Variants in SPMAP2L observed in about 807,000 individuals in gnomAD.
The protein encoded by SPMAP2L is sperm microtubule associated protein 2 like.
the SPMAP2L span, among the ~76,000 whole-genome samples, chr4:56,580,750 C>T: frequency 6.6e-6 from 1 of 152,020 alleles, no homozygotes; most frequent in African/African-American, 2.4e-5. Context: ...AAGGAATCTA[C>T]ATAAAGACTA....
chr4:56,589,212 C>T, the SPMAP2L span, among the ~76,000 whole-genome samples: 1 of 152,124 alleles, frequency 6.6e-6, no homozygotes, highest in Non-Finnish European at 1.5e-5. Flanking sequence ...TGGTCTCGAA[C>T]TCCTGACCTC....
At chr4:56,547,323 G>A in the SPMAP2L span, among the ~76,000 whole-genome samples, 1 of 148,828 alleles carries the variant, frequency 6.7e-6, no homozygotes, top group African/African-American at 2.5e-5. Flanking sequence ...TTGGCTCACT[G>A]CAACCTCCGC....
At chr4:56,593,122 A>C in the SPMAP2L span, 2 of 1,579,736 alleles carry the variant, frequency 1.3e-6, no homozygotes, top group Non-Finnish European at 1.7e-6. Flanking sequence ...TGGAGAACTC[A>C]GGATGGATCA....
the SPMAP2L span, among the ~76,000 whole-genome samples, chr4:56,616,953 A>T: frequency 6.6e-6 from 1 of 152,212 alleles, no homozygotes; most frequent in Non-Finnish European, 1.5e-5. Context: ...GGTATACAAT[A>T]TATTATTGCT....
the SPMAP2L span, among the ~76,000 whole-genome samples, chr4:56,589,173 G>A: frequency 6.6e-6 from 1 of 151,640 alleles, no homozygotes; most frequent in South Asian, 2.1e-4. Flanking sequence ...ATTTTTAGTC[G>A]AGGCAGAGTT....
the SPMAP2L span, among the ~76,000 whole-genome samples, chr4:56,576,439 T>C: frequency 1.3e-5 from 2 of 152,262 alleles, no homozygotes; most frequent in East Asian, 3.9e-4. Flanking sequence ...AGTAGAACAT[T>C]GACAGGGCAG....
the SPMAP2L span, among the ~76,000 whole-genome samples, chr4:56,572,194 T>TA: frequency 1.3e-5 from 2 of 152,170 alleles, no homozygotes; most frequent in African/African-American, 2.4e-5. Flanking sequence ...ACAGGGAAGT[T>TA]AAAAAAAGTA....
chr4:56,551,947 C>G, the SPMAP2L span, among the ~76,000 whole-genome samples: 1 of 152,142 alleles, frequency 6.6e-6, no homozygotes, highest in Non-Finnish European at 1.5e-5. Context: ...ACCCAGTACT[C>G]TTGCTGAAAT....
the SPMAP2L span, among the ~76,000 whole-genome samples, chr4:56,625,260 C>T: frequency 3.9e-5 from 6 of 152,244 alleles, no homozygotes; most frequent in South Asian, 1.2e-3. Flanking sequence ...CCCATTGTAT[C>T]TAGGAAGTAA....
At chr4:56,583,686 A>G in the SPMAP2L span, among the ~76,000 whole-genome samples, 7 of 152,218 alleles carry the variant, frequency 4.6e-5, no homozygotes, top group African/African-American at 1.4e-4. Context: ...AAATCATACT[A>G]CAGAGGAGAC....
chr4:56,601,149 G>A, the SPMAP2L span: 1 of 1,498,192 alleles, frequency 6.7e-7, no homozygotes. Flanking sequence ...GGAAAGGCTG[G>A]GGTTCTGGGG....
At chr4:56,619,061 T>C in the SPMAP2L span, among the ~76,000 whole-genome samples, 1 of 152,200 alleles carries the variant, frequency 6.6e-6, no homozygotes, top group African/African-American at 2.4e-5. Flanking sequence ...TGACTCCTTT[T>C]CCCTAATTAG....
At chr4:56,592,769 A>G in the SPMAP2L span, among the ~76,000 whole-genome samples, 7 of 152,014 alleles carry the variant, frequency 4.6e-5, no homozygotes, top group African/African-American at 1.7e-4. Context: ...CCGGGACAGC[A>G]GCAGTGCCGG....
At chr4:56,594,740 A>G in the SPMAP2L span, 1 of 1,477,924 alleles carries the variant, frequency 6.8e-7, no homozygotes, top group South Asian at 1.1e-5. Context: ...CCTAGCAGCC[A>G]TCATGATTAC....
chr4:56,534,417 C>T, the SPMAP2L span, among the ~76,000 whole-genome samples: 1 of 152,298 alleles, frequency 6.6e-6, no homozygotes, highest in Non-Finnish European at 1.5e-5. Context: ...TCCTCCTCTT[C>T]CCAGCCTTTA....
the SPMAP2L span, among the ~76,000 whole-genome samples, chr4:56,562,815 A>G: frequency 3.7e-5 from 5 of 136,526 alleles, no homozygotes; most frequent in South Asian, 1.1e-3. Context: ...GTATTTACAT[A>G]TATAGCCTGC....
chr4:56,592,862 G>A, the SPMAP2L span: 4 of 1,609,354 alleles, frequency 2.5e-6, no homozygotes, highest in Non-Finnish European at 3.4e-6. Context: ...GAGGCACATC[G>A]GCCCTGGGGA....
chr4:56,561,356 G>A, the SPMAP2L span, among the ~76,000 whole-genome samples: 1 of 152,158 alleles, frequency 6.6e-6, no homozygotes, highest in African/African-American at 2.4e-5. Context: ...CAGAATACCT[G>A]AAGCTGGGTA....
chr4:56,554,300 A>G, the SPMAP2L span, among the ~76,000 whole-genome samples: 1 of 152,234 alleles, frequency 6.6e-6, no homozygotes, highest in African/African-American at 2.4e-5. Context: ...GCATTTTAAC[A>G]AGCAATGAAG....
Sources: allele counts gnomAD v4.1 joint callset (sites outside exome capture counted in the v4.1 genomes callset), GRCh38; gene constraint gnomAD v4.1.1; transcripts MANE v1.5; gene names NCBI Gene and HGNC (gene_info 2026-07-23, HGNC 2026-07-21).